CCBE1: variants seen among roughly 807,000 people sequenced by gnomAD.
CCBE1 encodes the protein collagen and calcium binding EGF domains 1.
In CCBE1, 37 loss-of-function variants were observed where a neutral mutation model predicts 50.0. The ratio of observed to expected loss-of-function variants is 0.74; its 90% CI spans 0.57 to 0.97. The LOEUF is 0.97. CCBE1 is among the 50% of genes least tolerant of loss of function. The pLI, the probability that CCBE1 is intolerant of heterozygous loss-of-function variation, is 0.00. For synonymous variants in CCBE1, 234 were observed against 203.7 expected (o/e 1.15, Z -1.27); for missense variants, 538 against 523.8 (o/e 1.03, Z -0.26).
intron 2 of CCBE1, among the ~76,000 whole-genome samples, chr18:59,643,907 G>T (rs2054022310): frequency 6.6e-6 from 1 of 152,188 alleles, no homozygotes; most frequent in African/African-American, 2.4e-5. Context: ...TATCTACCAT[G>T]AAAGCCCAAC....
intron 2 of CCBE1, among the ~76,000 whole-genome samples, chr18:59,540,043 C>T (rs1915409759): frequency 6.6e-6 from 1 of 152,200 alleles, no homozygotes; most frequent in African/African-American, 2.4e-5. Flanking sequence ...AGTGTATAAT[C>T]TTGGACCCAT....
intron 2 of CCBE1, among the ~76,000 whole-genome samples, chr18:59,641,075 T>A (rs528994114): frequency 3.9e-5 from 6 of 152,300 alleles, no homozygotes; most frequent in Admixed American, 2.6e-4. Flanking sequence ...TAGTGATTTC[T>A]GAGAGAACTT....
chr18:59,470,329 C>G (rs1237946089), intron 3 of CCBE1, among the ~76,000 whole-genome samples: 3 of 152,064 alleles, frequency 2.0e-5, no homozygotes, highest in Non-Finnish European at 4.4e-5. Flanking sequence ...AAAGACCCAC[C>G]CCATGATTCA....
intron 2 of CCBE1, among the ~76,000 whole-genome samples, chr18:59,586,663 A>G (rs948046325): frequency 4.6e-5 from 7 of 152,252 alleles, no homozygotes; most frequent in African/African-American, 1.4e-4. Context: ...CTCAGCATCC[A>G]GAATGGACCT....
intron 2 of CCBE1, among the ~76,000 whole-genome samples, chr18:59,492,944 T>C (rs1913179035): frequency 6.6e-6 from 1 of 152,194 alleles, no homozygotes. Context: ...GAAAGGAGGC[T>C]CTGCTTGGAC....
At chr18:59,542,627 GTTTTAAAGAAT>G (rs1201872468) in intron 2 of CCBE1, among the ~76,000 whole-genome samples, 1 of 152,178 alleles carries the variant, frequency 6.6e-6, no homozygotes, top group Admixed American at 6.5e-5. Context: ...GGCAAGCACT[GTTTTAAAGAAT>G]TTATATAATA....
chr18:59,631,281 G>A (rs899393523), intron 2 of CCBE1, among the ~76,000 whole-genome samples: 25 of 152,080 alleles, frequency 1.6e-4, no homozygotes, highest in African/African-American at 5.6e-4. Context: ...GCAGAACCAA[G>A]GGAAAGAGGC....
intron 2 of CCBE1, among the ~76,000 whole-genome samples, chr18:59,483,523 A>G (rs759974861): frequency 2.0e-5 from 3 of 152,230 alleles, no homozygotes; most frequent in Non-Finnish European, 4.4e-5. Flanking sequence ...CTGCACTACA[A>G]TTTGGTCTGC....
At chr18:59,473,315 A>G (rs1912126257) in intron 3 of CCBE1, among the ~76,000 whole-genome samples, 1 of 152,172 alleles carries the variant, frequency 6.6e-6, no homozygotes, top group African/African-American at 2.4e-5. Flanking sequence ...CCAGCTTTTC[A>G]ATGCTGCTGC....
intron 2 of CCBE1, among the ~76,000 whole-genome samples, chr18:59,615,734 C>A (rs1009289237): frequency 6.6e-6 from 1 of 152,034 alleles, no homozygotes. Context: ...CTCCACTAAT[C>A]CCCCCTACTC....
At chr18:59,595,815 C>T (rs147847063) in intron 2 of CCBE1, among the ~76,000 whole-genome samples, 153 of 152,176 alleles carry the variant, frequency 1.0e-3, no homozygotes, top group African/African-American at 3.5e-3. Flanking sequence ...ATTTTAATAC[C>T]AGGATGAGGG....
At chr18:59,645,125 A>G (rs557358852) in intron 2 of CCBE1, among the ~76,000 whole-genome samples, 1 of 152,000 alleles carries the variant, frequency 6.6e-6, no homozygotes. Context: ...GTGGTGGCAC[A>G]CGCCTGTAAT....
At chr18:59,683,178 A>C (rs555662237) in intron 2 of CCBE1, among the ~76,000 whole-genome samples, 31 of 152,318 alleles carry the variant, frequency 2.0e-4, no homozygotes, top group Admixed American at 1.0e-3. Flanking sequence ...AGTGTGAGTG[A>C]AACTCTCACC....
intron 10 of CCBE1, among the ~76,000 whole-genome samples, chr18:59,436,743 T>C (rs572150773): frequency 2.6e-5 from 4 of 152,186 alleles, no homozygotes; most frequent in Non-Finnish European, 4.4e-5. Flanking sequence ...CCGAGGTGGA[T>C]GGATAGCTTG....
At chr18:59,609,705 T>C (rs553308395) in intron 2 of CCBE1, among the ~76,000 whole-genome samples, 2 of 152,346 alleles carry the variant, frequency 1.3e-5, no homozygotes, top group South Asian at 4.1e-4. Flanking sequence ...ATGTGTTATG[T>C]TTATTTTAGT....
chr18:59,648,536 T>C (rs945395910), intron 2 of CCBE1, among the ~76,000 whole-genome samples: 8 of 152,088 alleles, frequency 5.3e-5, no homozygotes, highest in Admixed American at 6.6e-5. Context: ...GAAAACCCCA[T>C]CTTTACTAAA....
chr18:59,654,680 T>C (rs1441069818), intron 2 of CCBE1, among the ~76,000 whole-genome samples: 1 of 151,400 alleles, frequency 6.6e-6, no homozygotes, highest in East Asian at 1.9e-4. Context: ...TAGTCCCAGC[T>C]ACTTGGGAGG....
chr18:59,696,772 G>A (rs1412907346), intron 1 of CCBE1, 63 bp from the exon 2 acceptor site: 3 of 1,553,984 alleles, frequency 1.9e-6, no homozygotes, highest in African/African-American at 2.7e-5. Context: ...GGCAGCGCGC[G>A]CTGGGGAATC....
intron 2 of CCBE1, among the ~76,000 whole-genome samples, chr18:59,569,477 C>A (rs1048942014): frequency 6.6e-6 from 1 of 152,162 alleles, no homozygotes; most frequent in Non-Finnish European, 1.5e-5. Flanking sequence ...GATACAAACT[C>A]CCAATTTACA....
Sources: gnomAD v4.1 joint callset for allele counts (sites outside exome capture counted in the v4.1 genomes callset) on GRCh38, gnomAD v4.1.1 for gene constraint, MANE v1.5 for transcripts, NCBI Gene and HGNC (gene_info 2026-07-23, HGNC 2026-07-21) for gene names.